RIT2: variants seen among roughly 807,000 people sequenced by gnomAD.
RIT2 encodes the protein Ras like without CAAX 2.
In RIT2, 24 loss-of-function variants were observed where a neutral mutation model predicts 23.7. The ratio of observed to expected loss-of-function variants is 1.01; its 90% CI spans 0.73 to 1.43. The LOEUF (loss-of-function observed/expected upper bound fraction) is 1.43, where lower values mean the gene tolerates loss of function less well. Ranked by LOEUF, RIT2 falls within the 40% of genes most tolerant of loss-of-function variation. The pLI is 0.00. For missense variants in RIT2, 236 were observed against 266.9 expected, an observed-to-expected ratio of 0.88 and a Z score of 0.81; for synonymous variants, 107 against 91.1, an observed-to-expected ratio of 1.17 and a Z score of -0.99.
chr18:42,865,419 T>C (rs1907444410), intron 4 of RIT2, among the ~76,000 whole-genome samples: 1 of 152,234 alleles, frequency 6.6e-6, no homozygotes, highest in South Asian at 2.1e-4. Flanking sequence ...ACATGGTATA[T>C]TATGGCATCT....
At chr18:42,745,548 C>T (rs138225658) in intron 4 of RIT2, among the ~76,000 whole-genome samples, 1 of 152,242 alleles carries the variant, frequency 6.6e-6, no homozygotes, top group East Asian at 1.9e-4. Flanking sequence ...TGAGATAAAA[C>T]ATGTCTGGAT....
At chr18:43,035,784 C>T (rs780636797) in intron 1 of RIT2, among the ~76,000 whole-genome samples, 19 of 152,306 alleles carry the variant, frequency 1.2e-4, no homozygotes, top group African/African-American at 3.4e-4. Context: ...TCCTGCTTCT[C>T]GGCTATACAC....
chr18:42,841,201 A>G (rs890107284), intron 4 of RIT2, among the ~76,000 whole-genome samples: 1 of 152,220 alleles, frequency 6.6e-6, no homozygotes, highest in African/African-American at 2.4e-5. Context: ...AACAGGCATG[A>G]TCATTGTAAT....
chr18:42,803,174 T>C (rs1905589640), intron 4 of RIT2, among the ~76,000 whole-genome samples: 1 of 152,250 alleles, frequency 6.6e-6, no homozygotes, highest in African/African-American at 2.4e-5. Context: ...TTATCGTTAG[T>C]AAATTCCAAT....
At chr18:42,819,960 C>A (rs1041209168) in intron 4 of RIT2, among the ~76,000 whole-genome samples, 35 of 152,206 alleles carry the variant, frequency 2.3e-4, no homozygotes, top group African/African-American at 7.9e-4. Flanking sequence ...TTGCATATAA[C>A]CTACACATAT....
At chr18:42,773,425 G>A (rs1421964625) in intron 4 of RIT2, among the ~76,000 whole-genome samples, 3 of 152,218 alleles carry the variant, frequency 2.0e-5, no homozygotes, top group Non-Finnish European at 4.4e-5. Flanking sequence ...GATCATGAGT[G>A]TGGCAAACTA....
chr18:42,829,810 A>T (rs1414830571), intron 4 of RIT2, among the ~76,000 whole-genome samples: 1 of 152,196 alleles, frequency 6.6e-6, no homozygotes, highest in East Asian at 1.9e-4. Context: ...AAAGCAAACA[A>T]AACATCATAT....
chr18:42,865,355 C>G (rs188758631), intron 4 of RIT2, among the ~76,000 whole-genome samples: 1 of 152,280 alleles, frequency 6.6e-6, no homozygotes, highest in African/African-American at 2.4e-5. Context: ...ATTGTTATTA[C>G]CAGCACAGAT....
chr18:42,924,167 G>A (rs556388651), intron 3 of RIT2, among the ~76,000 whole-genome samples: 13 of 152,208 alleles, frequency 8.5e-5, no homozygotes, highest in Non-Finnish European at 1.6e-4. Context: ...ATCTAAGGAA[G>A]TTGGCTTCAC....
At chr18:43,094,880 G>C (rs1356604072) in intron 1 of RIT2, among the ~76,000 whole-genome samples, 3 of 146,450 alleles carry the variant, frequency 2.0e-5, no homozygotes, top group Non-Finnish European at 4.5e-5. Context: ...TCCCTGCAAA[G>C]GACACGAACT....
At chr18:42,966,512 C>A (rs944735027) in intron 3 of RIT2, among the ~76,000 whole-genome samples, 2 of 151,926 alleles carry the variant, frequency 1.3e-5, no homozygotes, top group African/African-American at 4.8e-5. Flanking sequence ...AAATATAAAT[C>A]TAAATATTCT....
chr18:42,903,364 C>T (rs937541155), intron 4 of RIT2, among the ~76,000 whole-genome samples: 5 of 152,006 alleles, frequency 3.3e-5, no homozygotes, highest in South Asian at 4.2e-4. Flanking sequence ...TTGCAGAAGT[C>T]GATTATCTAA....
chr18:42,872,484 C>T (rs1721448107), intron 4 of RIT2, among the ~76,000 whole-genome samples: 2 of 152,122 alleles, frequency 1.3e-5, no homozygotes, highest in African/African-American at 4.8e-5. Context: ...GCATCCTGTG[C>T]CCAATACTGA....
intron 3 of RIT2, among the ~76,000 whole-genome samples, chr18:42,970,159 T>C (rs1028172842): frequency 1.3e-5 from 2 of 152,076 alleles, no homozygotes; most frequent in African/African-American, 4.8e-5. Flanking sequence ...CCTTGCATTT[T>C]CCACGTATGT....
At chr18:43,043,534 G>A (rs890562738) in intron 1 of RIT2, among the ~76,000 whole-genome samples, 3 of 152,136 alleles carry the variant, frequency 2.0e-5, no homozygotes, top group Non-Finnish European at 4.4e-5. Flanking sequence ...GCTCACGCTT[G>A]TAACCCAGCA....
chr18:42,974,374 G>T (rs554749564), intron 2 of RIT2, among the ~76,000 whole-genome samples: 1 of 151,926 alleles, frequency 6.6e-6, no homozygotes, highest in Non-Finnish European at 1.5e-5. Flanking sequence ...AAAATTTTGC[G>T]ATCTGAGGCG....
intron 1 of RIT2, among the ~76,000 whole-genome samples, chr18:43,058,651 C>T (rs1415915503): frequency 6.6e-6 from 1 of 152,038 alleles, no homozygotes; most frequent in Non-Finnish European, 1.5e-5. Flanking sequence ...CTTTGGGAGG[C>T]CAAGATGGGC....
chr18:43,034,528 T>C (rs1911931945), intron 1 of RIT2, among the ~76,000 whole-genome samples: 1 of 152,196 alleles, frequency 6.6e-6, no homozygotes, highest in Non-Finnish European at 1.5e-5. Context: ...TTTCCATTAT[T>C]AGGAAGCAAA....
intron 4 of RIT2, among the ~76,000 whole-genome samples, chr18:42,858,350 T>C (rs749649599): frequency 6.6e-6 from 1 of 152,086 alleles, no homozygotes; most frequent in Non-Finnish European, 1.5e-5. Flanking sequence ...TAGAGGCACT[T>C]TGCACTCTCC....
Sources: allele counts gnomAD v4.1 joint callset (sites outside exome capture counted in the v4.1 genomes callset), GRCh38; gene constraint gnomAD v4.1.1; transcripts MANE v1.5; gene names NCBI Gene and HGNC (gene_info 2026-07-23, HGNC 2026-07-21).